Variants in CADM2 observed in about 807,000 individuals in gnomAD.
CADM2 encodes cell adhesion molecule 2.
CADM2 carries 12 observed loss-of-function variants against 49.8 expected under a neutral mutation model. The ratio of observed to expected loss-of-function variants is 0.24; its 90% CI spans 0.15 to 0.39. The LOEUF (loss-of-function observed/expected upper bound fraction) is 0.39, where lower values mean the gene tolerates loss of function less well. Ranked by LOEUF, CADM2 falls within the 10% of genes least tolerant of loss-of-function variation. CADM2 has a pLI of 1.00. For synonymous variants in CADM2, 214 were observed against 175.4 expected (o/e 1.22, Z -1.74); for missense variants, 378 against 492.3 (o/e 0.77, Z 2.20).
At chr3:85,361,109 A>G (rs1050851214) in intron 1 of CADM2, among the ~76,000 whole-genome samples, 15 of 152,182 alleles carry the variant, frequency 9.9e-5, no homozygotes, top group Non-Finnish European at 1.6e-4. Context: ...TCTTGTTTGT[A>G]GTAGGTACTA....
chr3:85,499,753 G>A (rs1280510279), intron 1 of CADM2, among the ~76,000 whole-genome samples: 1 of 151,978 alleles, frequency 6.6e-6, no homozygotes, highest in South Asian at 2.1e-4. Flanking sequence ...ATTATTGATG[G>A]AGCAACCTTA....
intron 1 of CADM2, among the ~76,000 whole-genome samples, chr3:85,515,231 C>T (rs1161742245): frequency 6.6e-6 from 1 of 151,932 alleles, no homozygotes; most frequent in Non-Finnish European, 1.5e-5. Context: ...CCCATTTAGG[C>T]TATAATTTGA....
rs919682672 is a variant in CADM2, at chr3:86,074,409, T to G, written c.*7626T>G. 2 of 152,020 alleles carry G rather than the reference T, an allele frequency of 1.3e-5. No homozygotes were observed. The highest frequency in any genetic ancestry group is 4.8e-5 in the African/African-American group (2 of 41,428). 9.4% of individuals were successfully genotyped at this position (152,020 alleles called of 1,614,324 possible). ...AGACCATGAAATATTCCATTAAAATTTATCTGTAAATACAAGGCAAGATTT... is the reference window on the plus strand; with the variant it reads ...AGACCATGAAATATTCCATTAAAATGTATCTGTAAATACAAGGCAAGATTT... On this transcript the variant is annotated 3_prime_UTR_variant, in exon 10 of 10. Transcript: ENST00000383699.
intron 1 of CADM2, among the ~76,000 whole-genome samples, chr3:85,181,584 T>C (rs537430202): frequency 2.0e-5 from 3 of 152,126 alleles, no homozygotes; most frequent in Middle Eastern, 6.8e-3. Context: ...TGGAAAACTT[T>C]AGCGGGGAAG....
At chr3:85,474,598 A>C (rs2038903755) in intron 1 of CADM2, among the ~76,000 whole-genome samples, 1 of 151,940 alleles carries the variant, frequency 6.6e-6, no homozygotes, top group Non-Finnish European at 1.5e-5. Context: ...AAACACTCCC[A>C]AAAATATTTC....
At chr3:85,191,617 A>G (rs2041209971) in intron 1 of CADM2, among the ~76,000 whole-genome samples, 1 of 152,114 alleles carries the variant, frequency 6.6e-6, no homozygotes, top group Non-Finnish European at 1.5e-5. Context: ...AATGTAAACC[A>G]GCAGCTCTAA....
At chr3:85,674,691 A>G (rs1233374836) in intron 1 of CADM2, among the ~76,000 whole-genome samples, 1 of 152,206 alleles carries the variant, frequency 6.6e-6, no homozygotes, top group African/African-American at 2.4e-5. Flanking sequence ...AATATGTCCA[A>G]GTATGATAGC....
At chr3:85,825,717 A>G (rs1364510585) in intron 3 of CADM2, among the ~76,000 whole-genome samples, 1 of 152,066 alleles carries the variant, frequency 6.6e-6, no homozygotes, top group Non-Finnish European at 1.5e-5. Context: ...TTTTTTAGTC[A>G]CTGTGTACCG....
rs181523432 is a variant in CADM2, at chr3:85,627,310, T to A, written c.62-99212T>A. 9.9e-5 allele frequency among the ~76,000 whole-genome samples: 15 copies of A among 152,162 alleles called. 1 individual carries two copies. The East Asian group carries it at 1.5e-3, about 16-fold the overall frequency. On this transcript the variant is annotated intron_variant, in intron 1 of 9. Coordinates refer to ENST00000383699, the MANE Select transcript of CADM2 (RefSeq NM_001167675.2). ...TTCACCTTCCCTGCAGAGATGCACA[T>A]TAAGACCACTAACTTGGAATGGGTC...
chr3:85,755,887 C>T (rs13320771), intron 2 of CADM2, among the ~76,000 whole-genome samples: 24,380 of 152,008 alleles, frequency 0.16, 2,363 homozygotes, highest in African/African-American at 0.26. Flanking sequence ...TCAGATATGA[C>T]TGATTAAATC....
chr3:85,997,850 T>C (rs1388348531), intron 8 of CADM2, among the ~76,000 whole-genome samples: 1 of 152,192 alleles, frequency 6.6e-6, no homozygotes, highest in Non-Finnish European at 1.5e-5. Flanking sequence ...AATTCCATGG[T>C]CTGTCTTCGT....
rs537135983 is a variant in CADM2 at position 85,148,979 on chromosome 3, T to G, written c.61+189311T>G. On this transcript the variant is annotated intron_variant, in intron 1 of 9. Transcript: ENST00000383699. Reference sequence around the variant, plus strand: ...GTGCAGTTCAAACCCATGTTGTTGTTCAAGAGACAAATGTATTTTCTCCCA... The same window carrying G: ...GTGCAGTTCAAACCCATGTTGTTGTGCAAGAGACAAATGTATTTTCTCCCA... 5.3e-5 allele frequency among the ~76,000 whole-genome samples: 8 copies of G among 152,174 alleles called. No individual in the cohort carries two copies. In the South Asian group the frequency reaches 1.5e-3, roughly 28 times the overall value.
intron 8 of CADM2, among the ~76,000 whole-genome samples, chr3:86,032,412 G>C (rs553511877): frequency 6.6e-6 from 1 of 151,734 alleles, no homozygotes; most frequent in African/African-American, 2.4e-5. Flanking sequence ...AAGGATAAAG[G>C]GTTCTTTTGT....
At chr3:85,584,758 T>G (rs2062890359) in intron 1 of CADM2, among the ~76,000 whole-genome samples, 1 of 152,110 alleles carries the variant, frequency 6.6e-6, no homozygotes, top group Non-Finnish European at 1.5e-5. Context: ...GCTCTGCTTG[T>G]AGCATCTGAA....
chr3:85,342,010 A>G (rs1442167516), intron 1 of CADM2, among the ~76,000 whole-genome samples: 2 of 152,188 alleles, frequency 1.3e-5, no homozygotes, highest in African/African-American at 4.8e-5. Flanking sequence ...AAATTGACAA[A>G]TTGGATCTAA....
intron 1 of CADM2, among the ~76,000 whole-genome samples, chr3:85,032,220 T>C (rs1195422952): frequency 6.6e-6 from 1 of 151,862 alleles, no homozygotes. Flanking sequence ...TACTGGTTTT[T>C]TTTTTTTATC....
chr3:85,363,991 C>T (rs1215969297), intron 1 of CADM2, among the ~76,000 whole-genome samples: 2 of 152,286 alleles, frequency 1.3e-5, no homozygotes, highest in East Asian at 3.9e-4. Flanking sequence ...GTTCATTCTG[C>T]ATTACCTTAT....
intron 1 of CADM2, among the ~76,000 whole-genome samples, chr3:85,063,863 TG>T (rs1018122847): frequency 5.3e-5 from 8 of 152,086 alleles, no homozygotes; most frequent in Admixed American, 6.6e-5. Flanking sequence ...CTGTTTCACC[TG>T]ACAGCTCACT....
intron 2 of CADM2, among the ~76,000 whole-genome samples, chr3:85,796,248 G>C (rs149421362): frequency 2.3e-4 from 35 of 152,258 alleles, no homozygotes; most frequent in African/African-American, 6.5e-4. Flanking sequence ...CCCAAGAAAA[G>C]TGTTTTGAAA....
Sources: gnomAD v4.1 joint callset for allele counts (sites outside exome capture counted in the v4.1 genomes callset) on GRCh38, gnomAD v4.1.1 for gene constraint, MANE v1.5 for transcripts, NCBI Gene and HGNC (gene_info 2026-07-23, HGNC 2026-07-21) for gene names.